MRC1: variants seen among roughly 807,000 people sequenced by gnomAD.
MRC1 encodes mannose receptor C-type 1.
Under a neutral mutation model 102.9 loss-of-function variants are expected in MRC1, and 62 were observed. That is an observed-to-expected ratio of 0.60 (90% CI 0.49 to 0.74). MRC1 has a LOEUF of 0.74. MRC1 is among the 30% of genes least tolerant of loss of function. The pLI is 0.00. For synonymous variants in MRC1, 457 were observed against 298.4 expected (o/e 1.53, Z -5.48); for missense variants, 1,237 against 862.8 (o/e 1.43, Z -5.43).
intron 14 of MRC1, 52 bp from the exon 15 acceptor site, chr10:17,871,930 C>T (rs1182160477): frequency 1.3e-6 from 1 of 766,708 alleles, no homozygotes; most frequent in Admixed American, 1.8e-5. Context: ...GAATGATTGG[C>T]ATTGGCTTGA....
intron 22 of MRC1, among the ~76,000 whole-genome samples, chr10:17,893,068 C>T (rs1359260198): frequency 2.0e-5 from 3 of 151,704 alleles, no homozygotes; most frequent in African/African-American, 7.2e-5. Context: ...AATTTGGGGG[C>T]TCCAGCAAAA....
intron 1 of MRC1, among the ~76,000 whole-genome samples, chr10:17,811,533 T>A (rs1838222513): frequency 6.6e-6 from 1 of 151,962 alleles, no homozygotes. Context: ...CCTTCCAGAT[T>A]TTTTTTTCCT....
chr10:17,865,804 A>C (rs1182836261), intron 11 of MRC1, among the ~76,000 whole-genome samples: 1 of 152,218 alleles, frequency 6.6e-6, no homozygotes, highest in Non-Finnish European at 1.5e-5. Flanking sequence ...GATTTCAGAG[A>C]AAATATTCTA....
intron 5 of MRC1, 88 bp downstream of exon 5, chr10:17,840,894 C>A: frequency 1.3e-6 from 1 of 777,742 alleles, no homozygotes; most frequent in South Asian, 1.3e-5. Context: ...CTGTTGATCT[C>A]AAAGAGAAGA....
intron 7 of MRC1, among the ~76,000 whole-genome samples, chr10:17,850,426 C>A (rs992956075): frequency 6.3e-4 from 95 of 151,846 alleles, no homozygotes; most frequent in Middle Eastern, 3.4e-3. Flanking sequence ...CATAGCAAGA[C>A]CTCGTCTCTA....
At chr10:17,861,566 A>C in intron 10 of MRC1, 64 bp downstream of exon 10, 1 of 777,464 alleles carries the variant, frequency 1.3e-6, no homozygotes, top group South Asian at 1.4e-5. Flanking sequence ...AGAAAAGCCC[A>C]AGTATCAACA....
At chr10:17,879,436 C>T (rs1283550213) in intron 18 of MRC1, among the ~76,000 whole-genome samples, 1 of 152,190 alleles carries the variant, frequency 6.6e-6, no homozygotes, top group African/African-American at 2.4e-5. Flanking sequence ...TTCACTGCAG[C>T]CTCCGCCTCC....
Position 17,861,402 on chromosome 10 carries a change from C to A in MRC1, c.1534C>A (p.His512Asn), listed in dbSNP as rs1684179152. The A allele has an allele frequency of 6.9e-6, 6 of 872,280 alleles. No individual in the cohort carries two copies. Among genetic ancestry groups the A allele is most frequent in the African/African-American group, 4.9e-5 (3 of 61,294 alleles). The allele number at this position is 872,280 out of a possible 1,614,324, so 54.0% of individuals were successfully genotyped here. The change falls in exon 10 of 30, where the codon CAC becomes AAC. Residue 512 changes from histidine (H) to asparagine (N), a missense_variant. Physicochemically the swap from His to Asn is moderately conservative, Grantham distance 68 (BLOSUM62 1). Coordinates refer to ENST00000569591, the MANE Select transcript of MRC1 (RefSeq NM_002438.4). The stretch of plus-strand genomic sequence containing the variant: ...ACATTAATAGGGCTGGAAAAAACAT[C>A]ACTTTTACTGCTATATGATTGGACA... ...KGCRKGWKKH[H>N]FYCYMIGHTL...
At position 17,906,917 on chromosome 10, in the gene MRC1, A is replaced by G; in HGVS notation, c.3831A>G (p.Ala1277=). 1.2e-6 allele frequency: 1 copy of G among 809,190 alleles called. No homozygotes were observed. The highest frequency in any genetic ancestry group is 2.3e-6 in the Non-Finnish European group (1 of 444,042). 50.1% of individuals were successfully genotyped at this position (809,190 alleles called of 1,614,324 possible). ...CTCTGGTTTCCATTGAAAGTGCTGC[A>G]GAATCCAGTTTTCTGTCATATCGGG... ...GSSLVSIESA[A]ESSFLSYRVE... The change falls in exon 27 of 30, where the codon GCA becomes GCG. Residue 1277 remains alanine, a synonymous_variant. Coordinates refer to ENST00000569591, the MANE Select transcript of MRC1 (RefSeq NM_002438.4).
At chr10:17,811,443 C>T (rs1158552043) in intron 1 of MRC1, among the ~76,000 whole-genome samples, 2 of 152,140 alleles carry the variant, frequency 1.3e-5, no homozygotes, top group East Asian at 3.9e-4. Flanking sequence ...TCTTCATAGG[C>T]ACAAATATTG....
chr10:17,852,883 A>G, intron 7 of MRC1, 84 bp from the exon 8 acceptor site: 2 of 778,952 alleles, frequency 2.6e-6, no homozygotes, highest in Non-Finnish European at 4.8e-6. Flanking sequence ...CTGTTGATAA[A>G]GCAGAGTGCC....
rs1267442411 is a variant in MRC1, at chr10:17,873,766, T to C, written c.2345-18T>C. ...AAGTTTAAGTACACTTTATTTCTATTTTTCTCTTGTTTTACAGGACAAACA... is the reference window on the plus strand; with the variant it reads ...AAGTTTAAGTACACTTTATTTCTATCTTTCTCTTGTTTTACAGGACAAACA... On this transcript the variant is annotated intron_variant, in intron 15 of 29. Transcript: ENST00000569591. The C allele has an allele frequency of 1.4e-5, 12 of 872,156 alleles. No homozygotes were observed. In the East Asian group the frequency reaches 2.6e-4, roughly 19 times the overall value. The allele number at this position is 872,156 out of a possible 1,614,324, so 54.0% of individuals were successfully genotyped here.
chr10:17,857,204 C>T (rs1439491735), intron 9 of MRC1, among the ~76,000 whole-genome samples: 1 of 152,172 alleles, frequency 6.6e-6, no homozygotes, highest in Non-Finnish European at 1.5e-5. Flanking sequence ...GGTGATTTCA[C>T]AGTTCCTCTT....
intron 18 of MRC1, 65 bp from the exon 19 acceptor site, chr10:17,879,655 TC>T (rs1205441033): frequency 5.1e-6 from 4 of 780,720 alleles, no homozygotes; most frequent in Admixed American, 1.7e-5. Context: ...GAGCCACTGC[TC>T]CTGGCCTGTA....
chr10:17,836,139 C>A (rs1589170166), intron 4 of MRC1, among the ~76,000 whole-genome samples: 1 of 152,230 alleles, frequency 6.6e-6, no homozygotes, highest in Non-Finnish European at 1.5e-5. Flanking sequence ...AGGGCAAGAG[C>A]ACACTCCCTA....
At chr10:17,821,324 T>C (rs1416631896) in intron 1 of MRC1, among the ~76,000 whole-genome samples, 8 of 152,248 alleles carry the variant, frequency 5.3e-5, no homozygotes, top group African/African-American at 1.7e-4. Flanking sequence ...CCAAGATCCA[T>C]GAGCTAAAAA....
rs1390033071 is a variant in MRC1, at chr10:17,875,202, T to A, written c.2499T>A (p.Gly833=). 1 of 780,754 alleles carries A rather than the reference T, an allele frequency of 1.3e-6. No individual in the cohort carries two copies. The highest frequency in any genetic ancestry group is 2.4e-6 in the Non-Finnish European group (1 of 417,956). The allele number at this position is 780,754 out of a possible 1,614,324, so 48.4% of individuals were successfully genotyped here. Residue 833 remains glycine, a synonymous_variant, in exon 17 of 30, where the codon GGT becomes GGA. Coordinates refer to ENST00000569591, the MANE Select transcript of MRC1 (RefSeq NM_002438.4). ...GAGCGTTTTGCAAGAGGAATTTTGG[T>A]GATCTTGTTTCTATTCAAAGTGAAA... ...NARAFCKRNF[G]DLVSIQSESE...
At chr10:17,897,169 G>A (rs1228204675) in intron 23 of MRC1, among the ~76,000 whole-genome samples, 4 of 152,026 alleles carry the variant, frequency 2.6e-5, no homozygotes, top group African/African-American at 7.2e-5. Flanking sequence ...AACTTTTTCA[G>A]CTCACAGGAT....
chr10:17,904,557 C>G (rs1008713525), intron 26 of MRC1, among the ~76,000 whole-genome samples: 1 of 152,112 alleles, frequency 6.6e-6, no homozygotes, highest in African/African-American at 2.4e-5. Context: ...GTAGTTTTAT[C>G]GTGATGTGTA....
Sources: gnomAD v4.1 joint callset for allele counts (sites outside exome capture counted in the v4.1 genomes callset) on GRCh38, gnomAD v4.1.1 for gene constraint, MANE v1.5 for transcripts, NCBI Gene and HGNC (gene_info 2026-07-23, HGNC 2026-07-21) for gene names.